The following NKAIN3 variants were observed in gnomAD, a reference collection of about 807,000 sequenced individuals.
NKAIN3 encodes sodium/potassium transporting ATPase interacting 3.
A neutral mutation model predicts 30.2 loss-of-function variants in NKAIN3; 25 were observed. The observed-to-expected ratio is 0.83, with a 90% CI of 0.60 to 1.16. The LOEUF (loss-of-function observed/expected upper bound fraction) is 1.16. Among genes scored for constraint, NKAIN3 ranks in the 50% most tolerant of loss-of-function variants. The pLI, the probability that NKAIN3 is intolerant of heterozygous loss-of-function variation, is 0.00. For missense variants in NKAIN3, 225 were observed against 254.1 expected (o/e 0.89, Z 0.78); for synonymous variants, 91 against 89.6 (o/e 1.02, Z -0.09).
At chr8:62,319,343 C>T (rs1814786144) in intron 1 of NKAIN3, among the ~76,000 whole-genome samples, 1 of 152,088 alleles carries the variant, frequency 6.6e-6, no homozygotes, top group Non-Finnish European at 1.5e-5. Context: ...CATTTCTGCT[C>T]TGATCTTAGT....
chr8:62,880,878 A>C (rs1820955247), intron 4 of NKAIN3, among the ~76,000 whole-genome samples: 1 of 152,240 alleles, frequency 6.6e-6, no homozygotes, highest in Non-Finnish European at 1.5e-5. Context: ...TAAAGAGCAC[A>C]TAGAAAATCA....
chr8:62,924,252 C>T (rs1189810855), intron 5 of NKAIN3, among the ~76,000 whole-genome samples: 1 of 152,168 alleles, frequency 6.6e-6, no homozygotes, highest in African/African-American at 2.4e-5. Context: ...TTAGCTGTCT[C>T]TTCTGAAATT....
intron 1 of NKAIN3, among the ~76,000 whole-genome samples, chr8:62,500,425 GA>G (rs1807391050): frequency 1.5e-4 from 1 of 6,850 alleles, no homozygotes; most frequent in Non-Finnish European, 2.9e-4. Flanking sequence ...AGGAAGAAAG[GA>G]AAGAAAGAAA....
At chr8:62,477,195 G>A (rs945325434) in intron 1 of NKAIN3, among the ~76,000 whole-genome samples, 1 of 152,164 alleles carries the variant, frequency 6.6e-6, no homozygotes, top group Admixed American at 6.5e-5. Flanking sequence ...TGGGAGTGCA[G>A]GCTCCTTGCA....
intron 3 of NKAIN3, among the ~76,000 whole-genome samples, chr8:62,664,978 C>G (rs971041629): frequency 6.6e-6 from 1 of 152,128 alleles, no homozygotes; most frequent in Non-Finnish European, 1.5e-5. Context: ...TCTTTTAATT[C>G]TAGAGACTTT....
intron 1 of NKAIN3, among the ~76,000 whole-genome samples, chr8:62,342,235 CA>C (rs3058285): frequency 0.014 from 1,763 of 124,746 alleles, 44 homozygotes; most frequent in African/African-American, 0.045. Context: ...ACCACTGAAC[CA>C]AAAAAAAAAA....
chr8:62,415,192 C>T (rs1411775237), intron 1 of NKAIN3, among the ~76,000 whole-genome samples: 1 of 138,188 alleles, frequency 7.2e-6, no homozygotes, highest in African/African-American at 2.7e-5. Context: ...TTACAATATA[C>T]TATAGTATAT....
At chr8:62,741,378 G>GGAAGGAAA (rs1554572850) in intron 3 of NKAIN3, among the ~76,000 whole-genome samples, 4 of 134,820 alleles carry the variant, frequency 3.0e-5, no homozygotes, top group African/African-American at 1.4e-4. Context: ...AAGGAAGGAA[G>GGAAGGAAA]GAAGGAAGGA....
intron 5 of NKAIN3, among the ~76,000 whole-genome samples, chr8:62,946,071 T>C (rs976321710): frequency 2.6e-5 from 4 of 152,228 alleles, no homozygotes; most frequent in Admixed American, 6.5e-5. Flanking sequence ...TGGTCCCATG[T>C]GCTTCTCTTC....
chr8:62,775,702 A>G (rs752615378), intron 4 of NKAIN3, among the ~76,000 whole-genome samples: 4 of 151,992 alleles, frequency 2.6e-5, no homozygotes, highest in African/African-American at 9.7e-5. Context: ...ATGTGCTTCT[A>G]TAGTTTCCCA....
In NKAIN3 at chr8:62,707,056, T is replaced by TACATAC. The variant is rs1554568706; in HGVS notation, c.274-39873_274-39872insTACACA. ...TGCATAGTATTCCATCATACATACATACACACACACACACACACACACACA... is the reference window on the plus strand; with the variant it reads ...TGCATAGTATTCCATCATACATACATACATACACACACACACACACACACACACACA... On this transcript the variant is annotated intron_variant, in intron 3 of 6. Coordinates refer to ENST00000623646, the MANE Select transcript of NKAIN3 (RefSeq NM_001304533.3). Among the ~76,000 whole-genome samples the TACATAC allele has an allele frequency of 4.0e-3, 571 of 143,400 alleles. 9 individuals carry two copies. The highest frequency in any genetic ancestry group is 0.03 in the Admixed American group (441 of 14,646). The allele number at this position is 143,400 out of a possible 152,430, so 94.1% of individuals were successfully genotyped here. A position where few individuals can be genotyped will look rare whatever the true frequency, so the allele number is the denominator to read the frequency against.
intron 1 of NKAIN3, among the ~76,000 whole-genome samples, chr8:62,578,770 T>TGAAATAA (rs1810200762): frequency 6.6e-6 from 1 of 151,904 alleles, no homozygotes; most frequent in Admixed American, 6.6e-5. Flanking sequence ...AATAATGATA[T>TGAAATAA]GAAATAAGCC....
chr8:62,747,131 T>C lies in NKAIN3; in HGVS notation c.471+2T>C. ...AGTGCTGTCCAAATACTACTCTCTG[T>C]AAGTGTCACTTTTGTGTCATTATCT... On this transcript the variant is annotated splice_donor_variant, in intron 4 of 6. Transcript: ENST00000623646. LOFTEE classifies it high-confidence loss of function. 1 of 1,579,134 alleles carries C rather than the reference T, an allele frequency of 6.3e-7. No homozygotes were observed. Among genetic ancestry groups the C allele is most frequent in the Non-Finnish European group, 8.7e-7 (1 of 1,149,938 alleles).
chr8:62,672,569 G>A (rs981598040), intron 3 of NKAIN3, among the ~76,000 whole-genome samples: 3 of 152,136 alleles, frequency 2.0e-5, no homozygotes, highest in African/African-American at 7.2e-5. Flanking sequence ...AATATTTATG[G>A]CATCAGGTCA....
At chr8:62,318,119 C>T (rs1168631547) in intron 1 of NKAIN3, among the ~76,000 whole-genome samples, 1 of 152,148 alleles carries the variant, frequency 6.6e-6, no homozygotes, top group African/African-American at 2.4e-5. Flanking sequence ...ATTTTTTGCA[C>T]ATTGATTTTG....
intron 4 of NKAIN3, among the ~76,000 whole-genome samples, chr8:62,907,737 A>G (rs996930664): frequency 1.3e-5 from 2 of 152,192 alleles, no homozygotes; most frequent in Non-Finnish European, 2.9e-5. Flanking sequence ...AGAAATTAAG[A>G]ACTGAGGTTT....
chr8:62,292,442 ATC>A (rs1298957959), intron 1 of NKAIN3, among the ~76,000 whole-genome samples: 1 of 151,982 alleles, frequency 6.6e-6, no homozygotes, highest in Non-Finnish European at 1.5e-5. Context: ...TGGTGACAAA[ATC>A]TCTCAGCTTT....
chr8:62,632,576 C>T (rs1050024010), intron 3 of NKAIN3, among the ~76,000 whole-genome samples: 15 of 152,038 alleles, frequency 9.9e-5, no homozygotes, highest in Non-Finnish European at 2.9e-5. Context: ...GATCTCGGCT[C>T]ACTGAAACCT....
At chr8:62,550,197 T>C (rs1809155051) in intron 1 of NKAIN3, among the ~76,000 whole-genome samples, 1 of 152,094 alleles carries the variant, frequency 6.6e-6, no homozygotes, top group Non-Finnish European at 1.5e-5. Context: ...CTTTAAAAGG[T>C]GTTTACCTTT....
Sources: gnomAD v4.1 joint callset for allele counts (sites outside exome capture counted in the v4.1 genomes callset) on GRCh38, gnomAD v4.1.1 for gene constraint, MANE v1.5 for transcripts, NCBI Gene and HGNC (gene_info 2026-07-23, HGNC 2026-07-21) for gene names.